DNAH8: variants seen among roughly 807,000 people sequenced by gnomAD.
DNAH8 encodes axonemal beta dynein heavy chain 8.
In DNAH8, 382 loss-of-function variants were observed where a neutral mutation model predicts 562.1. That is an observed-to-expected ratio of 0.68 (90% CI 0.63 to 0.74). The LOEUF (loss-of-function observed/expected upper bound fraction) is 0.74. Among genes scored for constraint, DNAH8 ranks in the 30% least tolerant of loss-of-function variants. The probability of loss-of-function intolerance (pLI) is 0.00; values close to 1 mark genes in which losing one functional copy is unlikely to be tolerated. For missense variants in DNAH8, 5,203 were observed against 5,620.4 expected, an observed-to-expected ratio of 0.93 and a Z score of 2.37; for synonymous variants, 1,881 against 1,919.4, an observed-to-expected ratio of 0.98 and a Z score of 0.52.
Position 38,805,480 on chromosome 6 carries a change from G to GA in DNAH8, c.3036dup (p.Gln1013ThrfsTer10), listed in dbSNP as rs769708945. ...ATTTTTGTTTTGTCTTTTGTCTATA[G>GA]AACAGCGGAAACACGTTGTTTTTGG... On this transcript the variant is annotated frameshift_variant and splice_region_variant. Transcript: ENST00000327475. LOFTEE classifies it high-confidence loss of function. 6.3e-7 allele frequency: 1 copy of GA among 1,585,542 alleles called. No individual in the cohort carries two copies. The highest frequency in any genetic ancestry group is 8.7e-7 in the Non-Finnish European group (1 of 1,154,610).
intron 32 of DNAH8, among the ~76,000 whole-genome samples, chr6:38,835,030 T>C (rs1774163850): frequency 6.6e-6 from 1 of 152,202 alleles, no homozygotes; most frequent in Non-Finnish European, 1.5e-5. Flanking sequence ...TCTCTTTAAG[T>C]TTCCCTACTT....
chr6:38,812,494 CT>C (rs1217764627), intron 24 of DNAH8, among the ~76,000 whole-genome samples: 1 of 152,220 alleles, frequency 6.6e-6, no homozygotes, highest in Non-Finnish European at 1.5e-5. Context: ...CTAGCTTGGT[CT>C]TCTGGGATCA....
At chr6:38,915,065 A>G in intron 67 of DNAH8, 136 bp from the exon 68 acceptor site, 2 of 718,996 alleles carry the variant, frequency 2.8e-6, no homozygotes, top group Middle Eastern at 4.0e-4. Flanking sequence ...ACCTTAAAAT[A>G]TAGACAACTT....
At chr6:38,922,407 C>G (rs2150557821) in intron 71 of DNAH8, among the ~76,000 whole-genome samples, 1 of 152,038 alleles carries the variant, frequency 6.6e-6, no homozygotes, top group Admixed American at 6.6e-5. Context: ...TGGCAGTACC[C>G]CATCGCATAC....
chr6:38,719,643 G>C (rs1040987496), intron 1 of DNAH8, among the ~76,000 whole-genome samples: 1 of 152,154 alleles, frequency 6.6e-6, no homozygotes, highest in African/African-American at 2.4e-5. Flanking sequence ...TAAGACAAGA[G>C]GCAGGGCTTC....
intron 13 of DNAH8, among the ~76,000 whole-genome samples, chr6:38,777,591 A>G (rs1323910009): frequency 1.3e-5 from 2 of 151,956 alleles, no homozygotes; most frequent in Non-Finnish European, 2.9e-5. Flanking sequence ...GGATGGTGGG[A>G]ATATTTATTT....
chr6:39,008,794 C>G lies in DNAH8; in HGVS notation c.13215-20C>G. 1 of 1,529,360 alleles carries G rather than the reference C, an allele frequency of 6.5e-7. No homozygotes were observed. The highest frequency in any genetic ancestry group is 9.0e-7 in the Non-Finnish European group (1 of 1,114,606). The allele number at this position is 1,529,360 out of a possible 1,614,324, so 94.7% of individuals were successfully genotyped here. A position where few individuals can be genotyped will look rare whatever the true frequency, so the allele number is the denominator to read the frequency against. ...ACATGTTTCCCTGTAACATTCTGAA[C>G]AGCTCACTCTTTTTACTAGGTATCA... is the stretch of plus-strand genomic sequence containing the variant. On this transcript the variant is annotated intron_variant, in intron 88 of 92. Coordinates refer to ENST00000327475, the MANE Select transcript of DNAH8 (RefSeq NM_001206927.2).
At chr6:38,905,666 A>G (rs996155705) in intron 62 of DNAH8, among the ~76,000 whole-genome samples, 2 of 152,098 alleles carry the variant, frequency 1.3e-5, no homozygotes. Context: ...TCATTTCTCT[A>G]TTCCCACTTA....
At chr6:38,837,795 A>C in intron 32 of DNAH8, 147 bp from the exon 33 acceptor site, 1 of 572,202 alleles carries the variant, frequency 1.7e-6, no homozygotes, top group Non-Finnish European at 3.0e-6. Flanking sequence ...ATAGCTTGGT[A>C]TCAGTATAAA....
chr6:38,740,710 G>A (rs1764456313), intron 7 of DNAH8, among the ~76,000 whole-genome samples: 1 of 152,006 alleles, frequency 6.6e-6, no homozygotes, highest in Admixed American at 6.6e-5. Context: ...CAGCTTCTGG[G>A]CTTAAGTGAT....
chr6:38,853,141 G>C (rs1158814114), intron 40 of DNAH8, 45 bp from the exon 41 acceptor site: 1 of 1,515,470 alleles, frequency 6.6e-7, no homozygotes, highest in African/African-American at 1.4e-5. Context: ...CTGTAAAAAT[G>C]CCAAATTATT....
At chr6:39,026,843 A>T (rs942916428) in intron 92 of DNAH8, among the ~76,000 whole-genome samples, 176 bp downstream of exon 92, 1 of 152,268 alleles carries the variant, frequency 6.6e-6, no homozygotes, top group Non-Finnish European at 1.5e-5. Context: ...GCCAGAGTGG[A>T]AGATTAATGA....
At chr6:38,984,552 G>A (rs1764252614) in intron 87 of DNAH8, among the ~76,000 whole-genome samples, 1 of 152,004 alleles carries the variant, frequency 6.6e-6, no homozygotes. Flanking sequence ...CAGCACTTTG[G>A]GAGACTGAGG....
At chr6:38,789,469 G>A (rs1037031831) in intron 18 of DNAH8, among the ~76,000 whole-genome samples, 22 of 152,166 alleles carry the variant, frequency 1.4e-4, no homozygotes, top group African/African-American at 5.1e-4. Context: ...ATGTTTTAAT[G>A]TGTCAGAAGA....
At position 39,012,432 on chromosome 6, in the gene DNAH8, A is replaced by G. The variant is rs780926829; in HGVS notation, c.13525-16A>G. Reference sequence around the variant, plus strand: ...TGATGTTTCTTATTCATGTGTTTTAACTTTTTCTTCTCCAGAATCTGAGAG... The same window carrying G: ...TGATGTTTCTTATTCATGTGTTTTAGCTTTTTCTTCTCCAGAATCTGAGAG... On this transcript the variant is annotated splice_polypyrimidine_tract_variant and intron_variant, in intron 90 of 92. Transcript: ENST00000327475. The G allele has an allele frequency of 5.0e-6, 8 of 1,610,246 alleles. No individual in the cohort carries two copies. Among genetic ancestry groups the G allele is most frequent in the Admixed American group, 1.7e-5 (1 of 59,790 alleles).
intron 1 of DNAH8, among the ~76,000 whole-genome samples, chr6:38,722,114 T>C (rs1326608518): frequency 6.6e-6 from 1 of 152,228 alleles, no homozygotes; most frequent in Middle Eastern, 3.2e-3. Context: ...TTAGAGCTTT[T>C]CTGTTTAGGC....
Position 38,761,790 on chromosome 6 carries a change from T to C in DNAH8, c.1604T>C (p.Leu535Pro), listed in dbSNP as rs775561557. The change falls in exon 11 of 93, where the codon CTA (leucine) becomes CCA (proline). Residue 535 changes from leucine (L) to proline (P), a missense_variant. Transcript: ENST00000327475. Reference protein sequence around the residue: ...HVWDQETPVVLKKIQDCIFLF... With the variant: ...HVWDQETPVVPKKIQDCIFLF... ...TGGGATCAGGAAACGCCAGTTGTAC[T>C]AAAGAAAATTCAGGTTTGTAGAAGT... 1 of 1,552,566 alleles carries C rather than the reference T, an allele frequency of 6.4e-7. No individual in the cohort carries two copies. Among genetic ancestry groups the C allele is most frequent in the Non-Finnish European group, 8.7e-7 (1 of 1,152,094 alleles).
intron 8 of DNAH8, among the ~76,000 whole-genome samples, chr6:38,742,766 A>G (rs1160382516): frequency 1.3e-5 from 2 of 150,478 alleles, no homozygotes; most frequent in African/African-American, 4.8e-5. Flanking sequence ...TAAGCACAGA[A>G]AGACAACTGC....
At chr6:38,747,138 T>G (rs945187025) in intron 8 of DNAH8, among the ~76,000 whole-genome samples, 17 of 152,290 alleles carry the variant, frequency 1.1e-4, no homozygotes, top group African/African-American at 4.1e-4. Flanking sequence ...AAGCGTTGTG[T>G]TCAGTATCTT....
Sources: gnomAD v4.1 joint callset for allele counts (sites outside exome capture counted in the v4.1 genomes callset) on GRCh38, gnomAD v4.1.1 for gene constraint, MANE v1.5 for transcripts, NCBI Gene and HGNC (gene_info 2026-07-23, HGNC 2026-07-21) for gene names.